Variants in COL12A1 observed in about 807,000 individuals in gnomAD.
COL12A1 encodes collagen alpha-1(XII) chain.
A neutral mutation model predicts 349.7 loss-of-function variants in COL12A1; 114 were observed. The ratio of observed to expected loss-of-function variants is 0.33; its 90% CI spans 0.28 to 0.38. The LOEUF is 0.38. Among genes scored for constraint, COL12A1 ranks in the 10% least tolerant of loss-of-function variants. The pLI, the probability that COL12A1 is intolerant of heterozygous loss-of-function variation, is 1.00. For synonymous variants in COL12A1, 1,369 were observed against 1,329.0 expected (o/e 1.03, Z -0.66); for missense variants, 3,284 against 3,756.9 (o/e 0.87, Z 3.29).
chr6:75,181,938 A>AT (rs1160028629), intron 10 of COL12A1, among the ~76,000 whole-genome samples: 1 of 151,546 alleles, frequency 6.6e-6, no homozygotes, highest in Non-Finnish European at 1.5e-5. Flanking sequence ...AAAAAAAAAA[A>AT]CAGAAAAATT....
At chr6:75,163,516 G>A (rs537755769) in intron 14 of COL12A1, among the ~76,000 whole-genome samples, 49 of 151,996 alleles carry the variant, frequency 3.2e-4, no homozygotes, top group African/African-American at 1.2e-3. Context: ...CTGTAGTAGG[G>A]TAGGGGGCTA....
chr6:75,087,861 TGTATG>T, intron 64 of COL12A1, 114 bp from the exon 65 acceptor site: 1 of 1,099,330 alleles, frequency 9.1e-7, no homozygotes, highest in Non-Finnish European at 1.3e-6. Context: ...AATTTACTAT[TGTATG>T]GTAAGAAAAT....
rs574183158 is a variant in COL12A1, at chr6:75,174,348, A to G, written c.2710+690T>C. Among the ~76,000 whole-genome samples, 8 of 152,246 alleles carry G rather than the reference A, an allele frequency of 5.3e-5. No homozygotes were observed. The East Asian group carries it at 7.8e-4, about 15-fold the overall frequency. ...GAGGCGGGCGGATCACGAGGTCAGGAGATCGAGATCATCCTGGCTAACATG... is the reference window on the plus strand; with the variant it reads ...GAGGCGGGCGGATCACGAGGTCAGGGGATCGAGATCATCCTGGCTAACATG... On this transcript the variant is annotated intron_variant, in intron 13 of 65. Coordinates refer to ENST00000322507, the MANE Select transcript of COL12A1 (RefSeq NM_004370.6).
At chr6:75,092,380 G>T (rs983242476) in intron 60 of COL12A1, among the ~76,000 whole-genome samples, 1 of 151,730 alleles carries the variant, frequency 6.6e-6, no homozygotes. Flanking sequence ...AAAGAAACTG[G>T]GTTTTTCTCT....
rs1769938430 is a variant in COL12A1 at position 75,191,709 on chromosome 6, T to G, written c.386A>C (p.Glu129Ala). The G allele has an allele frequency of 6.3e-7, 1 of 1,597,046 alleles. No homozygotes were observed. The part of the protein sequence containing the change: ...KPVEKKPGKT[E>A]IQKCSVSAWT... ...GTAAGAGAAACACTCACTTTGTATC[T>G]CGGTTTTTCCAGGTTTCTTCTCCAC... is the stretch of plus-strand genomic sequence containing the variant. Residue 129 changes from glutamate to alanine, a missense_variant, in exon 5 of 66, where the codon GAG (glutamate) becomes GCG (alanine). Transcript: ENST00000322507.
At chr6:75,150,668 C>A (rs1767434438) in intron 21 of COL12A1, among the ~76,000 whole-genome samples, 1 of 152,056 alleles carries the variant, frequency 6.6e-6, no homozygotes, top group African/African-American at 2.4e-5. Flanking sequence ...TGGGAACAAC[C>A]ATCCAATAGC....
intron 10 of COL12A1, 147 bp downstream of exon 10, chr6:75,182,903 A>G (rs1769387144): frequency 2.0e-6 from 2 of 1,012,140 alleles, no homozygotes; most frequent in Admixed American, 2.5e-5. Context: ...CAGAGCTAAG[A>G]AAACTAAGTT....
At chr6:75,108,876 ATG>A in intron 52 of COL12A1, 140 bp downstream of exon 52, 1 of 810,430 alleles carries the variant, frequency 1.2e-6, no homozygotes, top group Non-Finnish European at 2.0e-6. Context: ...ACTTCTTCCA[ATG>A]TTTTGATCTG....
intron 42 of COL12A1, 128 bp from the exon 43 acceptor site, chr6:75,123,532 A>G: frequency 1.3e-6 from 1 of 763,526 alleles, no homozygotes; most frequent in South Asian, 1.6e-5. Context: ...CACCATTGTC[A>G]TCGGTACTGA....
At chr6:75,178,176 A>G (rs1484793283) in intron 11 of COL12A1, among the ~76,000 whole-genome samples, 1 of 152,232 alleles carries the variant, frequency 6.6e-6, no homozygotes, top group Non-Finnish European at 1.5e-5. Context: ...TTTTTTAATT[A>G]CATAAAGATG....
At position 75,165,672 on chromosome 6, in the gene COL12A1, T is replaced by C; in HGVS notation, c.2818A>G (p.Lys940Glu). The change falls in exon 14 of 66, where the codon AAA (lysine) becomes GAA (glutamate). Residue 940 changes from lysine to glutamate, a missense_variant. By Grantham distance (56) the Lys-to-Glu change is moderately conservative. Coordinates refer to ENST00000322507, the MANE Select transcript of COL12A1 (RefSeq NM_004370.6). ...GTGTCAACATCATCATAAAGTGATT[T>C]CCATGAGACCCTGTAACCGCGAACC... ...GMVRGYRVSWKSLYDDVDTGE... is the reference protein window; with the variant it reads ...GMVRGYRVSWESLYDDVDTGE... 1.2e-6 allele frequency: 2 copies of C among 1,614,030 alleles called. No individual in the cohort carries two copies. Among genetic ancestry groups the C allele is most frequent in the Non-Finnish European group, 1.7e-6 (2 of 1,179,912 alleles).
chr6:75,181,273 A>C, intron 10 of COL12A1, 62 bp from the exon 11 acceptor site: 4 of 1,453,412 alleles, frequency 2.8e-6, no homozygotes, highest in Non-Finnish European at 3.7e-6. Flanking sequence ...AACAGTAACC[A>C]ATATTTCAAT....
chr6:75,203,323 A>G (rs1168056544), intron 1 of COL12A1, among the ~76,000 whole-genome samples: 2 of 152,202 alleles, frequency 1.3e-5, no homozygotes, highest in Non-Finnish European at 2.9e-5. Context: ...TCTGCTTTCA[A>G]ATATGCAGCT....
intron 17 of COL12A1, among the ~76,000 whole-genome samples, chr6:75,153,471 A>G (rs1168090817): frequency 6.6e-6 from 1 of 152,120 alleles, no homozygotes; most frequent in Non-Finnish European, 1.5e-5. Flanking sequence ...TCCTTTCCAA[A>G]AGCTTATATT....
intron 2 of COL12A1, among the ~76,000 whole-genome samples, chr6:75,197,315 T>TTTC (rs10622845): frequency 0.85 from 102,514 of 120,796 alleles, 42,896 homozygotes; most frequent in Non-Finnish European, 0.91. Context: ...TTTCTTTTCT[T>TTTC]TTTTTTTTTT....
intron 11 of COL12A1, 42 bp from the exon 12 acceptor site, chr6:75,177,977 A>T: frequency 2.0e-6 from 3 of 1,537,960 alleles, no homozygotes; most frequent in Non-Finnish European, 2.6e-6. Flanking sequence ...CCATAAATTG[A>T]CTGACTTTAT....
At chr6:75,178,036 C>T in intron 11 of COL12A1, 101 bp from the exon 12 acceptor site, 1 of 1,106,732 alleles carries the variant, frequency 9.0e-7, no homozygotes, top group Non-Finnish European at 1.3e-6. Flanking sequence ...TACCATTTCT[C>T]TAAAGAAATC....
intron 3 of COL12A1, among the ~76,000 whole-genome samples, chr6:75,192,703 A>G (rs893085717): frequency 6.6e-6 from 1 of 152,174 alleles, no homozygotes; most frequent in Non-Finnish European, 1.5e-5. Context: ...GATAAAGCAG[A>G]GAAAATGAAT....
intron 14 of COL12A1, 24 bp downstream of exon 14, chr6:75,165,483 A>C: frequency 6.2e-7 from 1 of 1,608,754 alleles, no homozygotes; most frequent in East Asian, 2.2e-5. Context: ...GCACACACCC[A>C]AACACACCCA....
Sources: gnomAD v4.1 joint callset for allele counts (sites outside exome capture counted in the v4.1 genomes callset) on GRCh38, gnomAD v4.1.1 for gene constraint, MANE v1.5 for transcripts, NCBI Gene and HGNC (gene_info 2026-07-23, HGNC 2026-07-21) for gene names.